Variants in KHDRBS2 observed in about 807,000 individuals in gnomAD.
KHDRBS2 encodes KH domain-containing, RNA-binding, signal transduction-associated protein 2.
KHDRBS2 carries 26 observed loss-of-function variants against 44.3 expected under a neutral mutation model. That is an observed-to-expected ratio of 0.59 (90% CI 0.43 to 0.81). The LOEUF (loss-of-function observed/expected upper bound fraction) is 0.81, where lower values mean the gene tolerates loss of function less well. Among genes scored for constraint, KHDRBS2 ranks in the 40% least tolerant of loss-of-function variants. The pLI is 0.00. For missense variants in KHDRBS2, 476 were observed against 433.1 expected (o/e 1.10, Z -0.88); for synonymous variants, 194 against 151.1 (o/e 1.28, Z -2.08).
intron 1 of KHDRBS2, among the ~76,000 whole-genome samples, chr6:62,209,354 G>A (rs1405669345): frequency 6.6e-6 from 1 of 152,098 alleles, no homozygotes; most frequent in African/African-American, 2.4e-5. Context: ...AACAGAGGCA[G>A]AACATATTTT....
chr6:61,600,791 C>A, the KHDRBS2 span, among the ~76,000 whole-genome samples: 1 of 152,182 alleles, frequency 6.6e-6, no homozygotes, highest in Non-Finnish European at 1.5e-5. Flanking sequence ...TAAGTGGCCT[C>A]TCTTTACTCT....
chr6:61,824,635 T>G (rs1790549435), intron 6 of KHDRBS2, among the ~76,000 whole-genome samples: 1 of 152,178 alleles, frequency 6.6e-6, no homozygotes, highest in Admixed American at 6.6e-5. Context: ...ACATGCATTT[T>G]AGAATTTCCA....
At chr6:62,110,145 C>T (rs1662659087) in intron 2 of KHDRBS2, among the ~76,000 whole-genome samples, 2 of 151,974 alleles carry the variant, frequency 1.3e-5, no homozygotes, top group Admixed American at 6.6e-5. Context: ...TGCTACCTAC[C>T]TAATAGAATT....
the KHDRBS2 span, among the ~76,000 whole-genome samples, chr6:61,559,779 AGTT>A: frequency 6.6e-6 from 1 of 152,156 alleles, no homozygotes; most frequent in Non-Finnish European, 1.5e-5. Flanking sequence ...CGTCTTGAAA[AGTT>A]GTTGTAGTTA....
chr6:62,168,720 G>A (rs1294694143), intron 2 of KHDRBS2, among the ~76,000 whole-genome samples: 1 of 151,980 alleles, frequency 6.6e-6, no homozygotes, highest in Non-Finnish European at 1.5e-5. Flanking sequence ...ATCTGTAACA[G>A]CTTTGCATTT....
intron 2 of KHDRBS2, among the ~76,000 whole-genome samples, chr6:62,060,056 T>C (rs1159978850): frequency 6.6e-6 from 1 of 151,764 alleles, no homozygotes; most frequent in African/African-American, 2.4e-5. Flanking sequence ...CTAAGATGTA[T>C]GAGAAGTTGG....
chr6:62,093,692 C>T (rs535336380), intron 2 of KHDRBS2, among the ~76,000 whole-genome samples: 17 of 151,952 alleles, frequency 1.1e-4, no homozygotes, highest in South Asian at 4.1e-4. Context: ...CCACTCTCTA[C>T]TTCTGGAAAG....
Position 61,997,175 on chromosome 6 carries a change from T to A in KHDRBS2, c.337-18963A>T, listed in dbSNP as rs80184060. Among the ~76,000 whole-genome samples, 148 of 152,304 alleles carry A rather than the reference T, an allele frequency of 9.7e-4. No homozygotes were observed. In the East Asian group the frequency reaches 0.027, roughly 27 times the overall value. ...TTTTCACCATCCTGGACTCTCTAAT[T>A]CTGATAAATTCTAGATTGTTAATAT... On this transcript the variant is annotated intron_variant, in intron 3 of 8. Coordinates refer to ENST00000281156, the MANE Select transcript of KHDRBS2 (RefSeq NM_152688.4).
intron 7 of KHDRBS2, among the ~76,000 whole-genome samples, chr6:61,699,427 C>T (rs1768314133): frequency 6.6e-6 from 1 of 151,874 alleles, no homozygotes; most frequent in African/African-American, 2.4e-5. Flanking sequence ...CTATATAATT[C>T]TTAATTTATA....
chr6:61,881,803 A>G (rs185991072), intron 6 of KHDRBS2, among the ~76,000 whole-genome samples: 317 of 152,170 alleles, frequency 2.1e-3, no homozygotes, highest in African/African-American at 7.2e-3. Context: ...ATTGAATCGG[A>G]GGTCTGACAA....
intron 6 of KHDRBS2, among the ~76,000 whole-genome samples, chr6:61,852,052 T>C (rs1360515272): frequency 3.3e-5 from 5 of 151,928 alleles, no homozygotes. Context: ...TGAAACCGCA[T>C]CTCTACTAAA....
intron 3 of KHDRBS2, among the ~76,000 whole-genome samples, chr6:62,008,797 C>T (rs527856150): frequency 1.3e-5 from 2 of 152,290 alleles, no homozygotes; most frequent in African/African-American, 4.8e-5. Context: ...TGCCTGCTGC[C>T]ATCTGTGTAA....
At chr6:61,575,579 C>T in the KHDRBS2 span, among the ~76,000 whole-genome samples, 1 of 152,212 alleles carries the variant, frequency 6.6e-6, no homozygotes. Flanking sequence ...GTAGAACTAC[C>T]ACTTCATCCA....
intron 2 of KHDRBS2, among the ~76,000 whole-genome samples, chr6:62,122,893 C>T (rs1284456961): frequency 2.4e-5 from 3 of 126,228 alleles, no homozygotes; most frequent in Non-Finnish European, 3.4e-5. Context: ...TATTTATTTA[C>T]TTTTTGACGT....
Position 61,899,733 on chromosome 6 carries a change from GC to G in KHDRBS2, c.611+1510del, listed in dbSNP as rs34822365. On this transcript the variant is annotated intron_variant, in intron 5 of 8. Coordinates refer to ENST00000281156, the MANE Select transcript of KHDRBS2 (RefSeq NM_152688.4). Reference sequence around the variant, plus strand: ...ATGCAGATAAATTCATTGTTTTAATGCCCCCCCCCCGCATTTTAAGGCATAC... The same window carrying G: ...ATGCAGATAAATTCATTGTTTTAATGCCCCCCCCCGCATTTTAAGGCATAC... Among the ~76,000 whole-genome samples the G allele has an allele frequency of 8.9e-4, 110 of 123,204 alleles. 1 individual carries two copies. Among genetic ancestry groups the G allele is most frequent in the African/African-American group, 1.8e-3 (63 of 34,528 alleles). The allele number at this position is 123,204 out of a possible 152,430, so 80.8% of individuals were successfully genotyped here.
At chr6:62,072,165 T>C (rs544200199) in intron 2 of KHDRBS2, among the ~76,000 whole-genome samples, 2 of 152,030 alleles carry the variant, frequency 1.3e-5, no homozygotes, top group African/African-American at 4.8e-5. Context: ...TGTATAAGAG[T>C]GCTTGTGATT....
chr6:62,131,122 T>A (rs1340028319), intron 2 of KHDRBS2, among the ~76,000 whole-genome samples: 1 of 152,150 alleles, frequency 6.6e-6, no homozygotes. Context: ...TTTATGAGGA[T>A]GAAGCTTACT....
intron 1 of KHDRBS2, among the ~76,000 whole-genome samples, chr6:62,192,121 G>T (rs1563035450): frequency 6.6e-6 from 1 of 151,836 alleles, no homozygotes; most frequent in Non-Finnish European, 1.5e-5. Flanking sequence ...AGCTCTCAGA[G>T]AGCTTATTTT....
At chr6:62,208,200 C>T (rs1162272205) in intron 1 of KHDRBS2, among the ~76,000 whole-genome samples, 3 of 152,130 alleles carry the variant, frequency 2.0e-5, no homozygotes, top group Admixed American at 6.5e-5. Context: ...CATGTAGTAA[C>T]AAATGGCAAT....
Sources: gnomAD v4.1 joint callset for allele counts (sites outside exome capture counted in the v4.1 genomes callset) on GRCh38, gnomAD v4.1.1 for gene constraint, MANE v1.5 for transcripts, NCBI Gene and HGNC (gene_info 2026-07-23, HGNC 2026-07-21) for gene names.